The following UBE2K variants were observed in gnomAD, a reference collection of about 807,000 sequenced individuals.
UBE2K encodes ubiquitin conjugating enzyme E2 K.
UBE2K carries 6 observed loss-of-function variants against 30.0 expected under a neutral mutation model. That is an observed-to-expected ratio of 0.20 (90% CI 0.11 to 0.39). The LOEUF (loss-of-function observed/expected upper bound fraction) is 0.39, where lower values mean the gene tolerates loss of function less well. Among genes scored for constraint, UBE2K ranks in the 10% least tolerant of loss-of-function variants. UBE2K has a pLI of 1.00. For missense variants in UBE2K, 61 were observed against 241.6 expected, an observed-to-expected ratio of 0.25 and a Z score of 4.96; for synonymous variants, 86 against 83.7, an observed-to-expected ratio of 1.03 and a Z score of -0.15.
At chr4:39,752,459 C>G (rs1158052368) in intron 3 of UBE2K, among the ~76,000 whole-genome samples, 5 of 151,746 alleles carry the variant, frequency 3.3e-5, no homozygotes, top group African/African-American at 4.8e-5. Context: ...GCCTCAGCCT[C>G]CCGAGTAGCT....
chr4:39,771,430 AG>A, intron 4 of UBE2K: 2 of 1,595,802 alleles, frequency 1.3e-6, no homozygotes, highest in South Asian at 2.2e-5. Context: ...TTCACCCCAG[AG>A]GCCATTGTGG....
chr4:39,744,023 C>T (rs532832168), intron 2 of UBE2K, among the ~76,000 whole-genome samples: 5 of 152,092 alleles, frequency 3.3e-5, no homozygotes, highest in South Asian at 2.1e-4. Flanking sequence ...CCACAATACC[C>T]GGCTAATTTT....
At chr4:39,704,311 G>C (rs1470464163) in intron 1 of UBE2K, among the ~76,000 whole-genome samples, 1 of 152,016 alleles carries the variant, frequency 6.6e-6, no homozygotes, top group African/African-American at 2.4e-5. Context: ...TTTTTCAAAA[G>C]TGTGTTTGAA....
At chr4:39,734,526 G>A (rs1005453437) in intron 1 of UBE2K, among the ~76,000 whole-genome samples, 1 of 152,078 alleles carries the variant, frequency 6.6e-6, no homozygotes, top group South Asian at 2.1e-4. Flanking sequence ...GGCTGGATGC[G>A]GTACCTCACA....
intron 3 of UBE2K, among the ~76,000 whole-genome samples, chr4:39,754,750 C>G (rs147119531): frequency 0.011 from 1,694 of 152,240 alleles, 39 homozygotes; most frequent in African/African-American, 0.038. Flanking sequence ...AAGTGATCCT[C>G]CCGCCTCAGC....
chr4:39,762,936 CTTTTTTTTTTTTTTTTT>C (rs869207095), intron 4 of UBE2K, among the ~76,000 whole-genome samples: 1 of 78,652 alleles, frequency 1.3e-5, no homozygotes, highest in Non-Finnish European at 2.3e-5. Context: ...CCAAAAAACA[CTTTTTTTTTTTTTTTTT>C]TTTTTTTTTT....
At chr4:39,764,351 G>A (rs1017447660) in intron 4 of UBE2K, among the ~76,000 whole-genome samples, 4 of 151,792 alleles carry the variant, frequency 2.6e-5, no homozygotes, top group African/African-American at 9.7e-5. Flanking sequence ...CTTTGACATT[G>A]TTATGAATTG....
intron 1 of UBE2K, among the ~76,000 whole-genome samples, chr4:39,728,662 G>C (rs1365594612): frequency 1.3e-5 from 2 of 149,776 alleles, no homozygotes; most frequent in African/African-American, 4.9e-5. Context: ...TTTTGAGACA[G>C]AGTCTCGCTC....
At chr4:39,702,144 T>C (rs181604450) in intron 1 of UBE2K, among the ~76,000 whole-genome samples, 137 of 152,016 alleles carry the variant, frequency 9.0e-4, no homozygotes, top group African/African-American at 3.2e-3. Context: ...GTGCACTCTC[T>C]TGTTGGTCTT....
At chr4:39,771,377 G>C (rs912729831) in intron 4 of UBE2K, 2 of 1,612,698 alleles carry the variant, frequency 1.2e-6, no homozygotes, top group South Asian at 1.1e-5. Flanking sequence ...TTCATGTTCC[G>C]TAGCGTAGCG....
chr4:39,773,810 A>C (rs2109411737), intron 4 of UBE2K, among the ~76,000 whole-genome samples: 1 of 151,886 alleles, frequency 6.6e-6, no homozygotes, highest in Admixed American at 6.6e-5. Flanking sequence ...TGTCCCAGCT[A>C]CTCGGGAGGC....
Sources: gnomAD v4.1 joint callset for allele counts (sites outside exome capture counted in the v4.1 genomes callset) on GRCh38, gnomAD v4.1.1 for gene constraint, MANE v1.5 for transcripts, NCBI Gene and HGNC (gene_info 2026-07-23, HGNC 2026-07-21) for gene names.